The following BCAR3 variants were observed in gnomAD, a reference collection of about 807,000 sequenced individuals.
BCAR3 encodes BCAR3 adaptor protein, NSP family member.
BCAR3 carries 37 observed loss-of-function variants against 80.1 expected under a neutral mutation model. The observed-to-expected ratio is 0.46, with a 90% CI of 0.36 to 0.61. The LOEUF is 0.61. BCAR3 is among the 20% of genes least tolerant of loss of function. The pLI is 0.00. For synonymous variants in BCAR3, 389 were observed against 418.9 expected (o/e 0.93, Z 0.87); for missense variants, 978 against 1,068.2 (o/e 0.92, Z 1.18).
chr1:93,574,708 C>T (rs551605258), intron 8 of BCAR3, among the ~76,000 whole-genome samples: 8 of 152,220 alleles, frequency 5.3e-5, no homozygotes, highest in South Asian at 2.1e-4. Context: ...GCTGATAGAA[C>T]GAAGCTAGTG....
chr1:93,592,402 C>G lies in BCAR3; in HGVS notation c.358-9G>C, dbSNP rs1324325777. On this transcript the variant is annotated splice_polypyrimidine_tract_variant and intron_variant, in intron 3 of 11. Transcript: ENST00000260502. This position sits in a 1 kb window ranked among gnomAD's most constrained non-coding sequence, Gnocchi z 4.8. ...TGCCTCTCCTTGGAGAACTGCAACACAGAGTCAACCATGAGCTCACCCTGC... is the reference window on the plus strand; with the variant it reads ...TGCCTCTCCTTGGAGAACTGCAACAGAGAGTCAACCATGAGCTCACCCTGC... The G allele has an allele frequency of 8.2e-6, 13 of 1,587,766 alleles. No homozygotes were observed. The African/African-American group carries it at 1.5e-4, about 18-fold the overall frequency.
chr1:93,601,111 G>A (rs555686323), intron 3 of BCAR3, among the ~76,000 whole-genome samples: 20 of 152,286 alleles, frequency 1.3e-4, no homozygotes, highest in African/African-American at 4.8e-4. Flanking sequence ...CACCTTACAG[G>A]ACTATAGGAC....
Position 93,582,832 on chromosome 1 carries a change from G to A in BCAR3, c.1155C>T (p.Asp385=), listed in dbSNP as rs143935964. 5.1e-5 allele frequency: 83 copies of A among 1,613,446 alleles called. No individual in the cohort carries two copies. In the African/African-American group the frequency reaches 5.9e-4, roughly 11 times the overall value. ...CCCTCAGCGCCTCCCCAGCCCTGGC[G>A]TCTGAGGAGACCCTCCGAACCACTG... ...SPAVVRRVSS[D]ARAGEALRGS... is the part of the protein sequence containing the mutation. The change falls in exon 7 of 12, where the codon GAC becomes GAT. Residue 385 remains aspartate, a synonymous_variant. Transcript: ENST00000260502.
intron 7 of BCAR3, among the ~76,000 whole-genome samples, chr1:93,579,761 C>T (rs893544915): frequency 3.3e-5 from 5 of 152,176 alleles, no homozygotes; most frequent in Admixed American, 2.0e-4. Flanking sequence ...CCTGTTTCTA[C>T]GAGGAGCTTC....
intron 2 of BCAR3, among the ~76,000 whole-genome samples, chr1:93,768,676 T>G (rs1367187893): frequency 6.6e-6 from 1 of 152,174 alleles, no homozygotes; most frequent in Admixed American, 6.5e-5. Context: ...GAGATTTAAT[T>G]TCAGCCATGC....
intron 2 of BCAR3, among the ~76,000 whole-genome samples, chr1:93,828,507 C>T (rs1054311538): frequency 2.0e-5 from 3 of 152,152 alleles, no homozygotes; most frequent in Non-Finnish European, 2.9e-5. Flanking sequence ...TCCCCTCTGC[C>T]TGGGAGGAAG....
At chr1:93,778,598 T>C (rs541284538) in intron 2 of BCAR3, among the ~76,000 whole-genome samples, 10 of 152,274 alleles carry the variant, frequency 6.6e-5, no homozygotes, top group Non-Finnish European at 1.5e-5. Context: ...GATAATCTGT[T>C]TCTAACGCTT....
At chr1:93,847,982 G>T (rs897448107), upstream of BCAR3, 14 of 195,420 alleles carry the variant, frequency 7.2e-5, 1 homozygote, top group Admixed American at 8.9e-4. Flanking sequence ...AAGTGCAGGG[G>T]AGGCCCGGGT....
chr1:93,721,196 T>C (rs900094240), intron 2 of BCAR3, among the ~76,000 whole-genome samples: 1 of 152,068 alleles, frequency 6.6e-6, no homozygotes, highest in African/African-American at 2.4e-5. Flanking sequence ...GGATTAGTAG[T>C]AGCTGGGAGG....
At chr1:93,597,162 GGA>G (rs1289740674) in intron 3 of BCAR3, among the ~76,000 whole-genome samples, 4 of 152,120 alleles carry the variant, frequency 2.6e-5, no homozygotes, top group African/African-American at 9.7e-5. Flanking sequence ...AAGAAGGGAA[GGA>G]GAGTTAGTAA....
chr1:93,815,173 C>T (rs1465795945), intron 2 of BCAR3, among the ~76,000 whole-genome samples: 2 of 152,140 alleles, frequency 1.3e-5, no homozygotes, highest in African/African-American at 2.4e-5. Flanking sequence ...CAGGTCCCAC[C>T]GGGCCTCTTG....
chr1:93,764,545 G>A (rs1652074738), intron 2 of BCAR3, among the ~76,000 whole-genome samples: 1 of 151,964 alleles, frequency 6.6e-6, no homozygotes. Flanking sequence ...TCACATCTCT[G>A]CTGCGGCTAT....
chr1:93,761,255 A>T (rs1315917253), intron 2 of BCAR3, among the ~76,000 whole-genome samples: 1 of 152,064 alleles, frequency 6.6e-6, no homozygotes, highest in Non-Finnish European at 1.5e-5. Flanking sequence ...GTTTCCACCT[A>T]TTTCTGCTGA....
intron 3 of BCAR3, among the ~76,000 whole-genome samples, chr1:93,629,354 T>G (rs984412195): frequency 6.6e-6 from 1 of 152,208 alleles, no homozygotes; most frequent in Non-Finnish European, 1.5e-5. Flanking sequence ...TACAAGTTGT[T>G]CCCAGGAAAC....
rs150029133 is a variant in BCAR3 at position 93,675,660 on chromosome 1, G to A, written c.-11-719C>T. ...AATGCCCATGGGTGCCTGTACAGTC[G>A]GGGAAGAAGAGACAGGAGAAGGGAA... On this transcript the variant is annotated intron_variant, in intron 1 of 11. Transcript: ENST00000260502. Among the ~76,000 whole-genome samples, 173 of 152,074 alleles carry A rather than the reference G, an allele frequency of 1.1e-3. 3 individuals are homozygous for A. The East Asian group carries it at 0.032, about 28-fold the overall frequency.
intron 2 of BCAR3, 28 bp from the exon 3 acceptor site, chr1:93,642,371 A>C: frequency 6.3e-7 from 1 of 1,595,456 alleles, no homozygotes; most frequent in South Asian, 1.1e-5. Context: ...AAATATGAGA[A>C]TGGTTGGGAA....
intron 3 of BCAR3, among the ~76,000 whole-genome samples, chr1:93,695,926 T>C (rs1235272682): frequency 6.6e-6 from 1 of 152,218 alleles, no homozygotes; most frequent in Non-Finnish European, 1.5e-5. Flanking sequence ...TCTTTCTGTG[T>C]GTCCTCTTTC....
intron 2 of BCAR3, among the ~76,000 whole-genome samples, chr1:93,742,525 G>A (rs577191711): frequency 7.2e-5 from 11 of 152,166 alleles, no homozygotes; most frequent in Non-Finnish European, 1.2e-4. Context: ...CGTTCTCTCC[G>A]TTTGCCAGGT....
chr1:93,832,872 C>CT (rs1175183158), intron 2 of BCAR3, among the ~76,000 whole-genome samples: 1 of 152,142 alleles, frequency 6.6e-6, no homozygotes, highest in African/African-American at 2.4e-5. Context: ...GCTACAGCCA[C>CT]ACCTCACTGC....
Sources: allele counts gnomAD v4.1 joint callset (sites outside exome capture counted in the v4.1 genomes callset), GRCh38; gene constraint gnomAD v4.1.1; non-coding constraint Gnocchi (gnomAD v3.1); transcripts MANE v1.5; gene names NCBI Gene and HGNC (gene_info 2026-07-23, HGNC 2026-07-21).